Variants in HYAL4 observed in about 807,000 individuals in gnomAD.
The protein encoded by HYAL4 is hyaluronidase 4.
In HYAL4, 37 loss-of-function variants were observed where a neutral mutation model predicts 35.2. The observed-to-expected ratio is 1.05, with a 90% CI of 0.81 to 1.38. HYAL4 has a LOEUF of 1.38. Among genes scored for constraint, HYAL4 ranks in the 40% most tolerant of loss-of-function variants. The pLI, the probability that HYAL4 is intolerant of heterozygous loss-of-function variation, is 0.00. For synonymous variants in HYAL4, 198 were observed against 203.2 expected (o/e 0.97, Z 0.22); for missense variants, 572 against 572.4 (o/e 1.00, Z 0.01).
At chr7:123,860,609 C>T (rs539461032) in intron 2 of HYAL4, among the ~76,000 whole-genome samples, 36 of 152,214 alleles carry the variant, frequency 2.4e-4, no homozygotes, top group Admixed American at 9.8e-4. Context: ...CCACTGTATA[C>T]GAGGCCATGT....
chr7:123,869,311 A>T, intron 3 of HYAL4, 84 bp downstream of exon 3: 1 of 912,300 alleles, frequency 1.1e-6, no homozygotes, highest in South Asian at 1.8e-5. Context: ...TCTTTGAAGA[A>T]TTGATTTCAA....
upstream of HYAL4, among the ~76,000 whole-genome samples, chr7:123,827,584 T>C: frequency 6.6e-6 from 1 of 152,284 alleles, no homozygotes; most frequent in Non-Finnish European, 1.5e-5. Flanking sequence ...AAAAACAGCA[T>C]GTGTTTCTAA....
At chr7:123,793,813 A>G in the HYAL4 span, among the ~76,000 whole-genome samples, 5 of 152,198 alleles carry the variant, frequency 3.3e-5, no homozygotes, top group South Asian at 1.0e-3. Context: ...AATTAGCACC[A>G]CAGAGAGTGG....
At chr7:123,766,142 ATT>A in the HYAL4 span, among the ~76,000 whole-genome samples, 2 of 152,072 alleles carry the variant, frequency 1.3e-5, no homozygotes, top group Admixed American at 6.5e-5. Context: ...CTACACTTGG[ATT>A]TCTAACAATG....
chr7:123,858,725 C>T (rs944844240), intron 2 of HYAL4, among the ~76,000 whole-genome samples: 1 of 152,142 alleles, frequency 6.6e-6, no homozygotes, highest in African/African-American at 2.4e-5. Context: ...TCATTGCACT[C>T]CTCTGCCCCT....
upstream of HYAL4, among the ~76,000 whole-genome samples, chr7:123,824,242 C>CACTT (rs1294421308): frequency 6.6e-6 from 1 of 152,034 alleles, no homozygotes; most frequent in Non-Finnish European, 1.5e-5. Context: ...ATATATAAAG[C>CACTT]ACTTAAAACT....
At chr7:123,840,176 A>C (rs969402801), upstream of HYAL4, among the ~76,000 whole-genome samples, 5 of 152,134 alleles carry the variant, frequency 3.3e-5, no homozygotes, top group Non-Finnish European at 7.4e-5. Flanking sequence ...AGGTATAAGG[A>C]AGGGATCCAG....
chr7:123,871,494 G>A (rs557572892), intron 3 of HYAL4, among the ~76,000 whole-genome samples: 5 of 151,982 alleles, frequency 3.3e-5, no homozygotes, highest in South Asian at 2.1e-4. Flanking sequence ...GCCCGGCCCC[G>A]CCCATAATTT....
chr7:123,842,822 C>T (rs1562993931), upstream of HYAL4, among the ~76,000 whole-genome samples: 1 of 151,850 alleles, frequency 6.6e-6, no homozygotes. Flanking sequence ...ATTGCAACTC[C>T]TGCCTTTTTT....
chr7:123,838,370 A>T (rs539031241), intron 1 of HYAL4, among the ~76,000 whole-genome samples: 1 of 151,940 alleles, frequency 6.6e-6, no homozygotes, highest in Non-Finnish European at 1.5e-5. Flanking sequence ...ATGAAAAACT[A>T]CTATTACATA....
the HYAL4 span, among the ~76,000 whole-genome samples, chr7:123,799,441 ATAAAAT>A: frequency 1.3e-5 from 2 of 150,052 alleles, no homozygotes; most frequent in South Asian, 2.1e-4. Context: ...AAATTATAAA[ATAAAAT>A]TAAATTATAA....
At chr7:123,870,242 A>G (rs750782680) in intron 3 of HYAL4, among the ~76,000 whole-genome samples, 63 of 152,222 alleles carry the variant, frequency 4.1e-4, no homozygotes, top group Non-Finnish European at 6.3e-4. Context: ...TGAGGGCTCT[A>G]CAGTGACCAG....
intron 1 of HYAL4, among the ~76,000 whole-genome samples, chr7:123,833,369 G>A (rs975181394): frequency 6.6e-6 from 1 of 151,426 alleles, no homozygotes; most frequent in Non-Finnish European, 1.5e-5. Flanking sequence ...GATGGCCCGT[G>A]TATATCTTCT....
chr7:123,847,766 A>T (rs1231816355), intron 1 of HYAL4, among the ~76,000 whole-genome samples: 1 of 152,194 alleles, frequency 6.6e-6, no homozygotes, highest in East Asian at 1.9e-4. Context: ...TAACGAAGTG[A>T]GACTCCGTCT....
chr7:123,865,377 A>G (rs947372385), intron 2 of HYAL4, among the ~76,000 whole-genome samples: 2 of 152,210 alleles, frequency 1.3e-5, no homozygotes, highest in Admixed American at 6.5e-5. Context: ...ATAAAAAATC[A>G]AAGAGAAGGG....
intron 2 of HYAL4, among the ~76,000 whole-genome samples, chr7:123,857,032 C>T (rs1229164733): frequency 3.3e-5 from 5 of 152,136 alleles, no homozygotes; most frequent in Non-Finnish European, 7.4e-5. Context: ...GGACGCCCCT[C>T]CCTCACCAAG....
chr7:123,794,560 A>G, the HYAL4 span, among the ~76,000 whole-genome samples: 47 of 152,300 alleles, frequency 3.1e-4, no homozygotes, highest in African/African-American at 1.1e-3. Flanking sequence ...AGCTCCAGCC[A>G]TGTCTAAGAG....
chr7:123,781,863 A>G, the HYAL4 span, among the ~76,000 whole-genome samples: 1 of 152,168 alleles, frequency 6.6e-6, no homozygotes, highest in Non-Finnish European at 1.5e-5. Context: ...TTCTATGGAC[A>G]GTGCTAGTCT....
At chr7:123,781,998 G>T in the HYAL4 span, among the ~76,000 whole-genome samples, 1 of 152,116 alleles carries the variant, frequency 6.6e-6, no homozygotes, top group African/African-American at 2.4e-5. Flanking sequence ...CCTTGGACTC[G>T]TGAGGCTCAA....
Sources: gnomAD v4.1 joint callset for allele counts (sites outside exome capture counted in the v4.1 genomes callset) on GRCh38, gnomAD v4.1.1 for gene constraint, MANE v1.5 for transcripts, NCBI Gene and HGNC (gene_info 2026-07-23, HGNC 2026-07-21) for gene names.